Variants in SRCIN1 observed in about 807,000 individuals in gnomAD.
SRCIN1 encodes the protein P130Cas-associated protein.
Under a neutral mutation model 116.2 loss-of-function variants are expected in SRCIN1, and 50 were observed. That is an observed-to-expected ratio of 0.43 (90% CI 0.34 to 0.54). The LOEUF is 0.54. Among genes scored for constraint, SRCIN1 ranks in the 20% least tolerant of loss-of-function variants. The pLI is 0.02. For synonymous variants in SRCIN1, 736 were observed against 750.0 expected (o/e 0.98, Z 0.30); for missense variants, 1,446 against 1,672.0 (o/e 0.86, Z 2.36).
At chr17:38,591,141 C>T (rs1355166235) in intron 1 of SRCIN1, among the ~76,000 whole-genome samples, 7 of 152,256 alleles carry the variant, frequency 4.6e-5, no homozygotes, top group African/African-American at 1.7e-4. Context: ...GCCCCTGCCA[C>T]AGGCTGTGCA....
At chr17:38,574,911 C>T (rs1343249198) in intron 2 of SRCIN1, 5 of 401,002 alleles carry the variant, frequency 1.2e-5, no homozygotes, top group African/African-American at 2.0e-5. Context: ...GGGGCGGAGT[C>T]GCCATGGAGG....
At chr17:38,567,017 T>C (rs13342001) in intron 3 of SRCIN1, among the ~76,000 whole-genome samples, 54,320 of 151,710 alleles carry the variant, frequency 0.36, 14,034 homozygotes, top group African/African-American at 0.74. Context: ...AGCGCAGAGG[T>C]GCAAACATAG....
intron 17 of SRCIN1, among the ~76,000 whole-genome samples, chr17:38,546,005 AG>A (rs1396392736): frequency 1.3e-5 from 2 of 152,206 alleles, no homozygotes; most frequent in African/African-American, 2.4e-5. Flanking sequence ...CACAGCTAGA[AG>A]GGGTGGGGCT....
At chr17:38,583,907 G>A (rs1907965139) in intron 1 of SRCIN1, among the ~76,000 whole-genome samples, 1 of 152,180 alleles carries the variant, frequency 6.6e-6, no homozygotes, top group African/African-American at 2.4e-5. Flanking sequence ...GCTTGTAGCA[G>A]CCTGACCTCC....
At chr17:38,550,470 G>A (rs928710435) in intron 15 of SRCIN1, among the ~76,000 whole-genome samples, 2 of 151,780 alleles carry the variant, frequency 1.3e-5, no homozygotes, top group Non-Finnish European at 2.9e-5. Flanking sequence ...CTCCAGCCTG[G>A]GCGACAGAGA....
intron 11 of SRCIN1, among the ~76,000 whole-genome samples, chr17:38,556,296 C>A (rs1306605921): frequency 6.6e-6 from 1 of 152,250 alleles, no homozygotes; most frequent in Non-Finnish European, 1.5e-5. Flanking sequence ...CGCGTGACCG[C>A]ACACGTGGCA....
At chr17:38,540,779 CACAGAG>C (rs1904686360) in intron 18 of SRCIN1, among the ~76,000 whole-genome samples, 1 of 149,022 alleles carries the variant, frequency 6.7e-6, no homozygotes, top group African/African-American at 2.6e-5. Context: ...GTGTGACACA[CACAGAG>C]ACAATCAAAT....
intron 1 of SRCIN1, among the ~76,000 whole-genome samples, chr17:38,580,597 A>G (rs1907733118): frequency 6.6e-6 from 1 of 152,148 alleles, no homozygotes; most frequent in African/African-American, 2.4e-5. Flanking sequence ...CTCAATATTT[A>G]TTACGTTTGT....
intron 1 of SRCIN1, among the ~76,000 whole-genome samples, chr17:38,598,404 T>A (rs1908836247): frequency 6.6e-6 from 1 of 152,048 alleles, no homozygotes; most frequent in Non-Finnish European, 1.5e-5. Context: ...TTATCATGCA[T>A]CCTAGGGGTG....
Position 38,552,253 on chromosome 17 carries a change from G to A in SRCIN1, c.2481-121C>T, listed in dbSNP as rs935909045. The A allele has an allele frequency of 2.0e-5, 30 of 1,471,046 alleles. No individual in the cohort carries two copies. Among genetic ancestry groups the A allele is most frequent in the South Asian group, 1.1e-4 (8 of 73,704 alleles). The allele number at this position is 1,471,046 out of a possible 1,614,324, so 91.1% of individuals were successfully genotyped here. A position where few individuals can be genotyped will look rare whatever the true frequency, so the allele number is the denominator to read the frequency against. ...TCTGGGATGCTGTGGGAGGGCCTGG[G>A]GAGGAGTGACTGCCCCTGGTATAAG... On this transcript the variant is annotated intron_variant, in intron 13 of 18. Transcript: ENST00000617146. This position sits in a 1 kb window ranked among gnomAD's most constrained non-coding sequence, Gnocchi z 5.3.
At position 38,563,360 on chromosome 17, in the gene SRCIN1, C is replaced by A; in HGVS notation, c.703G>T (p.Glu235Ter). 1 of 1,580,734 alleles carries A rather than the reference C, an allele frequency of 6.3e-7. No homozygotes were observed. The highest frequency in any genetic ancestry group is 2.3e-5 in the East Asian group (1 of 43,092). ...AGCTCGTAGAAGACGTTGCGAGCCT[C>A]GTCTTTGATGAGGATGGCGGTATTG... ...SPNTAILIKD[E>*]ARNVFYELED... Residue 235 changes from glutamate (E) to a stop codon, truncating the protein, a stop_gained, in exon 5 of 19, where the codon GAG becomes TAG. Transcript: ENST00000617146. LOFTEE classifies it high-confidence loss of function. The surrounding 1 kb of genome is among the most constrained non-coding windows in gnomAD (Gnocchi z 5.8).
At position 38,572,298 on chromosome 17, in the gene SRCIN1, A is replaced by C. The variant is rs2143275550; in HGVS notation, c.325-4067T>G. On this transcript the variant is annotated intron_variant, in intron 2 of 18. Transcript: ENST00000617146. The surrounding 1 kb of genome is among the most constrained non-coding windows in gnomAD (Gnocchi z 4.3). ...GCCCCCACCGCGATGTACATGCATG[A>C]CCCTCTCTTCCAGATGTGTGGATGA... Among the ~76,000 whole-genome samples the C allele has an allele frequency of 7.9e-6, 1 of 126,926 alleles. No homozygotes were observed. Among genetic ancestry groups the C allele is most frequent in the East Asian group, 2.5e-4 (1 of 3,936 alleles). The allele number at this position is 126,926 out of a possible 152,430, so 83.3% of individuals were successfully genotyped here. A position where few individuals can be genotyped will look rare whatever the true frequency, so the allele number is the denominator to read the frequency against.
At chr17:38,584,523 GC>G (rs757506331) in intron 1 of SRCIN1, among the ~76,000 whole-genome samples, 82 of 152,258 alleles carry the variant, frequency 5.4e-4, no homozygotes, top group Admixed American at 1.3e-3. Flanking sequence ...CCGGGAAGTG[GC>G]GGGCGCCCCC....
intron 2 of SRCIN1, among the ~76,000 whole-genome samples, chr17:38,570,671 T>G (rs572767395): frequency 6.6e-6 from 1 of 152,284 alleles, no homozygotes; most frequent in East Asian, 1.9e-4. Flanking sequence ...GGGAGGGAGA[T>G]AAAGACAGGG....
chr17:38,586,868 G>A (rs1054783730), intron 1 of SRCIN1, among the ~76,000 whole-genome samples: 12 of 152,236 alleles, frequency 7.9e-5, no homozygotes, highest in Admixed American at 4.6e-4. Flanking sequence ...GAGGCTGGGG[G>A]AAGGCACTGA....
chr17:38,536,298 C>T (rs1567847950), intron 18 of SRCIN1, among the ~76,000 whole-genome samples: 1 of 152,258 alleles, frequency 6.6e-6, no homozygotes, highest in Non-Finnish European at 1.5e-5. Flanking sequence ...TAACCCTTCT[C>T]AGGTGACACA....
chr17:38,560,575 G>C (rs1597902495), intron 7 of SRCIN1, 150 bp from the exon 8 acceptor site: 2 of 657,744 alleles, frequency 3.0e-6, no homozygotes, highest in African/African-American at 1.8e-5. Context: ...CAATGCCTAA[G>C]GATCAAGCCC....
chr17:38,559,158 G>A (rs1228494241), intron 10 of SRCIN1: 1 of 206,038 alleles, frequency 4.9e-6, no homozygotes, highest in African/African-American at 2.3e-5. Flanking sequence ...CGGGGAGACT[G>A]TTGGGGCTCA....
intron 15 of SRCIN1, among the ~76,000 whole-genome samples, chr17:38,550,304 C>G (rs561412780): frequency 6.6e-6 from 1 of 152,052 alleles, no homozygotes; most frequent in African/African-American, 2.4e-5. Flanking sequence ...ACCATCCTGG[C>G]TAACACGGTG....
Sources: gnomAD v4.1 joint callset for allele counts (sites outside exome capture counted in the v4.1 genomes callset) on GRCh38, gnomAD v4.1.1 for gene constraint, Gnocchi (gnomAD v3.1) non-coding constraint, MANE v1.5 for transcripts, NCBI Gene and HGNC (gene_info 2026-07-23, HGNC 2026-07-21) for gene names.